The following LARS1 variants were observed in gnomAD, a reference collection of about 807,000 sequenced individuals.
LARS1 encodes leucyl-tRNA synthetase 1.
LARS1 carries 100 observed loss-of-function variants against 162.8 expected under a neutral mutation model. The observed-to-expected ratio is 0.61, with a 90% CI of 0.52 to 0.73. The LOEUF is 0.73. Ranked by LOEUF, LARS1 falls within the 30% of genes least tolerant of loss-of-function variation. The pLI is 0.00. For missense variants in LARS1, 1,258 were observed against 1,408.9 expected, an observed-to-expected ratio of 0.89 and a Z score of 1.71; for synonymous variants, 457 against 462.8, an observed-to-expected ratio of 0.99 and a Z score of 0.16.
At chr5:146,154,114 G>T in intron 10 of LARS1, 134 bp from the exon 11 acceptor site, 1 of 630,442 alleles carries the variant, frequency 1.6e-6, no homozygotes, top group Non-Finnish European at 2.8e-6. Flanking sequence ...GAGCTATATT[G>T]TACAATATGG....
intron 4 of LARS1, among the ~76,000 whole-genome samples, chr5:146,171,529 G>T (rs940876122): frequency 6.6e-6 from 1 of 151,966 alleles, no homozygotes; most frequent in Admixed American, 6.6e-5. Context: ...GAAGATATTT[G>T]CAAAAATGAT....
At chr5:146,133,681 C>A in intron 22 of LARS1, among the ~76,000 whole-genome samples, 1 of 108,566 alleles carries the variant, frequency 9.2e-6, no homozygotes, top group Non-Finnish European at 1.8e-5. Context: ...CAATGGAACA[C>A]TATAGGGTTG....
chr5:146,147,072 A>G (rs562201183), intron 15 of LARS1, among the ~76,000 whole-genome samples: 1 of 152,164 alleles, frequency 6.6e-6, no homozygotes, highest in African/African-American at 2.4e-5. Flanking sequence ...AACAAACCCA[A>G]AAGCCAATAC....
intron 1 of LARS1, chr5:146,179,765 A>G: frequency 3.2e-6 from 1 of 313,408 alleles, no homozygotes; most frequent in Non-Finnish European, 6.6e-6. Flanking sequence ...CCATACCCAG[A>G]TAGTTTTTGT....
intron 10 of LARS1, among the ~76,000 whole-genome samples, chr5:146,156,240 A>G (rs547684532): frequency 3.9e-5 from 6 of 152,374 alleles, no homozygotes; most frequent in Admixed American, 3.3e-4. Flanking sequence ...TGGGACTTGT[A>G]AATATACTGC....
At chr5:146,164,502 C>T (rs1753914533) in intron 5 of LARS1, 31 bp from the exon 6 acceptor site, 1 of 1,605,080 alleles carries the variant, frequency 6.2e-7, no homozygotes, top group African/African-American at 1.3e-5. Flanking sequence ...TAAACTCGAT[C>T]AAAGAATAAC....
intron 29 of LARS1, among the ~76,000 whole-genome samples, chr5:146,123,730 T>C (rs1751926959): frequency 6.6e-6 from 1 of 151,794 alleles, no homozygotes; most frequent in African/African-American, 2.4e-5. Flanking sequence ...TAGCCAGATA[T>C]ACAGTTTTTT....
intron 20 of LARS1, among the ~76,000 whole-genome samples, 199 bp from the exon 21 acceptor site, chr5:146,140,460 A>C (rs1001880494): frequency 2.6e-5 from 4 of 152,232 alleles, no homozygotes; most frequent in African/African-American, 9.6e-5. Context: ...ACAGGTATAC[A>C]ATGACGTAAC....
intron 15 of LARS1, among the ~76,000 whole-genome samples, chr5:146,148,367 A>G (rs1211380767): frequency 6.6e-6 from 1 of 152,224 alleles, no homozygotes; most frequent in Non-Finnish European, 1.5e-5. Flanking sequence ...CTGAAAGCAC[A>G]CTGATGTGTT....
chr5:146,124,700 T>C (rs572907800), intron 28 of LARS1, among the ~76,000 whole-genome samples: 1 of 152,084 alleles, frequency 6.6e-6, no homozygotes, highest in African/African-American at 2.4e-5. Flanking sequence ...TCCAAGTACA[T>C]ATGCAGATAT....
intron 2 of LARS1, among the ~76,000 whole-genome samples, chr5:146,175,408 T>C (rs1194471959): frequency 2.0e-5 from 3 of 151,094 alleles, no homozygotes; most frequent in Non-Finnish European, 4.4e-5. Flanking sequence ...CCAGGCGTGG[T>C]GGCATGCACC....
chr5:146,122,438 T>C (rs1751867755), intron 30 of LARS1, 54 bp downstream of exon 30: 4 of 961,318 alleles, frequency 4.2e-6, no homozygotes, highest in South Asian at 2.8e-5. Context: ...TAATGATCTC[T>C]AGGTCTCTTC....
chr5:146,123,404 T>C (rs1036783722), intron 29 of LARS1, among the ~76,000 whole-genome samples: 1 of 151,966 alleles, frequency 6.6e-6, no homozygotes, highest in African/African-American at 2.4e-5. Context: ...ATAAAAGCTA[T>C]TGGTACTGTT....
intron 31 of LARS1, among the ~76,000 whole-genome samples, chr5:146,115,284 C>T (rs2400209): frequency 0.22 from 34,081 of 151,704 alleles, 4,827 homozygotes; most frequent in Admixed American, 0.34. Flanking sequence ...CTAAAACTTA[C>T]CCCTTTCTTG....
At chr5:146,176,953 CTTT>C (rs1754606562) in intron 2 of LARS1, among the ~76,000 whole-genome samples, 1 of 152,100 alleles carries the variant, frequency 6.6e-6, no homozygotes, top group Admixed American at 6.6e-5. Context: ...AAACATCCTT[CTTT>C]GTCTAAATAT....
At chr5:146,144,116 CTA>C (rs1752908909) in intron 18 of LARS1, 149 bp downstream of exon 18, 1 of 629,650 alleles carries the variant, frequency 1.6e-6, no homozygotes, top group South Asian at 2.1e-5. Context: ...TGATAGTGGA[CTA>C]TATCCTAGTT....
Position 146,143,447 on chromosome 5 carries a change from G to A in LARS1, c.1842C>T (p.Asn614=), listed in dbSNP as rs1284352547. 7 of 1,613,632 alleles carry A rather than the reference G, an allele frequency of 4.3e-6. No individual in the cohort carries two copies. The Admixed American group carries it at 6.7e-5, about 15-fold the overall frequency. ...YTVAHLLQGG[N]LHGQAESPLG... ...GCGGAGACTCTGCCTGTCCATGCAA[G>A]TTACCCCCCTGCAATAGGTGTGCAA... The change falls in exon 19 of 32, where the codon AAC becomes AAT. Residue 614 remains asparagine (N), a synonymous_variant. Transcript: ENST00000394434.
Position 146,143,469 on chromosome 5 carries a change from G to GTAAATGC in LARS1, c.1819_1820insGCATTTA (p.Ala607GlyfsTer10). 2 of 1,614,036 alleles carry GTAAATGC rather than the reference G, an allele frequency of 1.2e-6. No homozygotes were observed. Among genetic ancestry groups the GTAAATGC allele is most frequent in the Non-Finnish European group, 1.7e-6 (2 of 1,179,940 alleles). ...CAAGTTACCCCCCTGCAATAGGTGT[G>GTAAATGC]CAACTGTGTAAAATGCCATGTAAAT... On this transcript the variant is annotated frameshift_variant, in exon 19 of 32. Transcript: ENST00000394434. LOFTEE classifies it high-confidence loss of function.
intron 14 of LARS1, 103 bp downstream of exon 14, chr5:146,151,759 T>C (rs992250735): frequency 6.6e-6 from 7 of 1,067,070 alleles, no homozygotes; most frequent in East Asian, 2.4e-5. Context: ...CTCAAATCAA[T>C]GTATAGCTGA....
Sources: gnomAD v4.1 joint callset for allele counts (sites outside exome capture counted in the v4.1 genomes callset) on GRCh38, gnomAD v4.1.1 for gene constraint, MANE v1.5 for transcripts, NCBI Gene and HGNC (gene_info 2026-07-23, HGNC 2026-07-21) for gene names.